Variants in ALG12 observed in about 807,000 individuals in gnomAD.
The protein encoded by ALG12 is dol-P-Man:Man(7)GlcNAc(2)-PP-Dol alpha-1,6-mannosyltransferase.
A neutral mutation model predicts 46.0 loss-of-function variants in ALG12; 36 were observed. The observed-to-expected ratio is 0.78, with a 90% CI of 0.60 to 1.03. The LOEUF is 1.03. Among genes scored for constraint, ALG12 ranks in the 50% least tolerant of loss-of-function variants. The probability of loss-of-function intolerance (pLI) is 0.00; values close to 1 mark genes in which losing one functional copy is unlikely to be tolerated. For missense variants in ALG12, 599 were observed against 633.5 expected (o/e 0.95, Z 0.58); for synonymous variants, 326 against 291.6 (o/e 1.12, Z -1.20).
downstream of ALG12, among the ~76,000 whole-genome samples, chr22:49,896,671 T>C (rs2060484491): frequency 6.6e-6 from 1 of 152,244 alleles, no homozygotes; most frequent in African/African-American, 2.4e-5. Flanking sequence ...AGTCTTGGTT[T>C]GTTGCCCAGG....
At chr22:49,909,398 C>T (rs1225199198) in intron 5 of ALG12, 51 bp from the exon 6 acceptor site, 2 of 1,514,940 alleles carry the variant, frequency 1.3e-6, no homozygotes, top group South Asian at 1.1e-5. Flanking sequence ...CATCAGTAAA[C>T]ATCCCGCCAC....
the ALG12 span, among the ~76,000 whole-genome samples, chr22:49,870,289 A>G: frequency 6.6e-6 from 1 of 152,220 alleles, no homozygotes; most frequent in South Asian, 2.1e-4. Context: ...ATGAACATAC[A>G]TGTGTACATG....
At chr22:49,887,048 T>G in the ALG12 span, 1 of 1,614,130 alleles carries the variant, frequency 6.2e-7, no homozygotes, top group Non-Finnish European at 8.5e-7. Context: ...CCAAGCATCG[T>G]CCCTTCAGAA....
At chr22:49,914,712 G>C (rs1402562200) in intron 1 of ALG12, among the ~76,000 whole-genome samples, 1 of 152,310 alleles carries the variant, frequency 6.6e-6, no homozygotes, top group South Asian at 2.1e-4. Context: ...GAGAACCCCA[G>C]GGCTTACCAT....
chr22:49,881,042 A>C, the ALG12 span, among the ~76,000 whole-genome samples: 3 of 152,244 alleles, frequency 2.0e-5, no homozygotes, highest in Admixed American at 6.5e-5. Context: ...TATATGTGGA[A>C]TTTAAAAATG....
chr22:49,894,097 G>A, the ALG12 span, among the ~76,000 whole-genome samples: 11 of 152,278 alleles, frequency 7.2e-5, no homozygotes, highest in South Asian at 2.1e-4. Context: ...CCCAGGAGGC[G>A]GAGGTTGCAG....
At chr22:49,886,466 G>T in the ALG12 span, 1 of 1,571,180 alleles carries the variant, frequency 6.4e-7, no homozygotes, top group Non-Finnish European at 8.6e-7. This position sits in a 1 kb window ranked among gnomAD's most constrained non-coding sequence, Gnocchi z 7.7. Context: ...TCCGTGTGCC[G>T]TGCGCTAAAG....
downstream of ALG12, among the ~76,000 whole-genome samples, chr22:49,895,997 C>T (rs2060482025): frequency 6.6e-6 from 1 of 152,170 alleles, no homozygotes; most frequent in Admixed American, 6.5e-5. Flanking sequence ...CAGCACTGTG[C>T]CCCAGGGAAG....
the ALG12 span, among the ~76,000 whole-genome samples, chr22:49,875,121 T>TTTTTTC: frequency 2.0e-5 from 3 of 152,282 alleles, no homozygotes; most frequent in East Asian, 5.8e-4. Flanking sequence ...GGGTATCAAG[T>TTTTTTC]TGTTTCTTTT....
chr22:49,865,955 T>A, the ALG12 span, among the ~76,000 whole-genome samples: 12 of 150,724 alleles, frequency 8.0e-5, no homozygotes, highest in African/African-American at 2.9e-4. Context: ...CAAGCAGCCC[T>A]CCCGCCTCCA....
chr22:49,885,623 T>C, the ALG12 span: 2 of 1,611,440 alleles, frequency 1.2e-6, no homozygotes, highest in Non-Finnish European at 1.7e-6. Flanking sequence ...TCTCACCCAG[T>C]TGCCAAAAAA....
the ALG12 span, among the ~76,000 whole-genome samples, chr22:49,874,872 G>A: frequency 1.1e-4 from 16 of 151,318 alleles, no homozygotes; most frequent in Non-Finnish European, 1.8e-4. Flanking sequence ...TAATAGAGAC[G>A]GGGTTTCACC....
intron 1 of ALG12, among the ~76,000 whole-genome samples, chr22:49,914,427 G>C (rs2060598783): frequency 6.6e-6 from 1 of 152,234 alleles, no homozygotes; most frequent in African/African-American, 2.4e-5. Flanking sequence ...CTGGGGGCTG[G>C]GAGAAGCCAT....
At chr22:49,909,194 G>A in intron 6 of ALG12, 50 bp downstream of exon 6, 7 of 1,570,098 alleles carry the variant, frequency 4.5e-6, no homozygotes, top group Non-Finnish European at 5.3e-6. Context: ...CCCAGGAGAT[G>A]TGGCTGCAGG....
intron 7 of ALG12, among the ~76,000 whole-genome samples, chr22:49,907,255 CGCT>C (rs1569174462): frequency 6.6e-6 from 1 of 152,206 alleles, no homozygotes; most frequent in South Asian, 2.1e-4. Flanking sequence ...TGCCCTCTGC[CGCT>C]GCTACCTATG....
In ALG12 at chr22:49,903,352, G is replaced by GT. The variant is rs1161804540; in HGVS notation, c.*485dup. The stretch of plus-strand genomic sequence containing the variant: ...CAAAAGTTGCAGTGGTGGCACCAGG[G>GT]TGGGGGGGTGCGGCCGGGGCCACCA... On this transcript the variant is annotated 3_prime_UTR_variant, in exon 10 of 10. Coordinates refer to ENST00000330817, the MANE Select transcript of ALG12 (RefSeq NM_024105.4). 1 of 457,836 alleles carries GT rather than the reference G, an allele frequency of 2.2e-6. No individual in the cohort carries two copies. The highest frequency in any genetic ancestry group is 2.0e-5 in the African/African-American group (1 of 50,130). The allele number at this position is 457,836 out of a possible 1,614,324, so 28.4% of individuals were successfully genotyped here. A position where few individuals can be genotyped will look rare whatever the true frequency, so the allele number is the denominator to read the frequency against.
chr22:49,863,443 A>G, the ALG12 span, among the ~76,000 whole-genome samples: 2 of 152,194 alleles, frequency 1.3e-5, no homozygotes, highest in Admixed American at 1.3e-4. Flanking sequence ...CCTGGCCAAC[A>G]TGGTGAAACC....
At chr22:49,897,919 A>G (rs11702888), downstream of ALG12, among the ~76,000 whole-genome samples, 1 of 151,984 alleles carries the variant, frequency 6.6e-6, no homozygotes, top group Non-Finnish European at 1.5e-5. Context: ...TTGGCCTCCC[A>G]TAGTGCTAGG....
At chr22:49,883,642 C>G in the ALG12 span, 1 of 1,522,394 alleles carries the variant, frequency 6.6e-7, no homozygotes, top group Non-Finnish European at 8.9e-7. Flanking sequence ...TAAGATACAG[C>G]CGGAGTAGTT....
Sources: allele counts gnomAD v4.1 joint callset (sites outside exome capture counted in the v4.1 genomes callset), GRCh38; gene constraint gnomAD v4.1.1; non-coding constraint Gnocchi (gnomAD v3.1); transcripts MANE v1.5; gene names NCBI Gene and HGNC (gene_info 2026-07-23, HGNC 2026-07-21).